GUCY1A2: variants seen among roughly 807,000 people sequenced by gnomAD.
The protein encoded by GUCY1A2 is guanylate cyclase 1 soluble subunit alpha 2.
Under a neutral mutation model 63.5 loss-of-function variants are expected in GUCY1A2, and 27 were observed. The observed-to-expected ratio is 0.43, with a 90% CI of 0.31 to 0.59. The LOEUF (loss-of-function observed/expected upper bound fraction) is 0.59. Among genes scored for constraint, GUCY1A2 ranks in the 20% least tolerant of loss-of-function variants. The pLI is 0.11. For missense variants in GUCY1A2, 768 were observed against 913.3 expected (o/e 0.84, Z 2.05); for synonymous variants, 364 against 343.5 (o/e 1.06, Z -0.66).
chr11:106,846,260 A>T (rs1388989821), intron 4 of GUCY1A2, among the ~76,000 whole-genome samples: 1 of 151,612 alleles, frequency 6.6e-6, no homozygotes, highest in African/African-American at 2.4e-5. Context: ...GGGTACTGTG[A>T]CTATGTAGAT....
intron 5 of GUCY1A2, among the ~76,000 whole-genome samples, chr11:106,779,077 G>C (rs1864413154): frequency 6.6e-6 from 1 of 152,106 alleles, no homozygotes; most frequent in Non-Finnish European, 1.5e-5. Context: ...GGAATATTAT[G>C]AGAACACTTA....
chr11:106,872,512 AACAG>A (rs1859693622), intron 4 of GUCY1A2, among the ~76,000 whole-genome samples: 1 of 152,194 alleles, frequency 6.6e-6, no homozygotes, highest in Non-Finnish European at 1.5e-5. Context: ...GAAGATAAGG[AACAG>A]ACACTTTTAA....
chr11:106,841,272 T>C (rs1859193492), intron 4 of GUCY1A2, among the ~76,000 whole-genome samples: 1 of 151,928 alleles, frequency 6.6e-6, no homozygotes, highest in East Asian at 1.9e-4. Flanking sequence ...ACTTCTTAAA[T>C]GCTTCGAGGA....
At chr11:106,999,473 C>T (rs1245898164) in intron 1 of GUCY1A2, among the ~76,000 whole-genome samples, 1 of 152,078 alleles carries the variant, frequency 6.6e-6, no homozygotes, top group Non-Finnish European at 1.5e-5. Flanking sequence ...AAGATGTTTT[C>T]TTGATGTTAT....
chr11:106,746,604 T>C lies in GUCY1A2; in HGVS notation c.1836+29835A>G, dbSNP rs796568899. ...TGATGCTGATCTGGAACCAGCTGGA[T>C]GGAAACAGGAAAGGAGAAAAGGAGT... On this transcript the variant is annotated intron_variant, in intron 6 of 7. Coordinates refer to ENST00000526355, the MANE Select transcript of GUCY1A2 (RefSeq NM_000855.3). 4.4e-6 allele frequency: 7 copies of C among 1,596,742 alleles called. No homozygotes were observed. In the African/African-American group the frequency reaches 9.3e-5, roughly 21 times the overall value.
At chr11:106,826,714 C>T in intron 4 of GUCY1A2, 2 of 1,610,432 alleles carry the variant, frequency 1.2e-6, no homozygotes, top group South Asian at 2.2e-5. Context: ...GTCTCCTGAA[C>T]TCGCTGCAGC....
intron 6 of GUCY1A2, among the ~76,000 whole-genome samples, chr11:106,754,525 G>T (rs2135387375): frequency 6.6e-6 from 1 of 152,296 alleles, no homozygotes; most frequent in Admixed American, 6.5e-5. Flanking sequence ...TTTGAGATAT[G>T]TTCCATCGAT....
intron 1 of GUCY1A2, among the ~76,000 whole-genome samples, chr11:107,000,485 G>A (rs74469911): frequency 0.055 from 8,439 of 152,150 alleles, 702 homozygotes; most frequent in African/African-American, 0.19. Context: ...TTTTGTTAAG[G>A]AAGTAAAAGA....
intron 5 of GUCY1A2, among the ~76,000 whole-genome samples, chr11:106,790,017 T>G (rs1864629966): frequency 6.6e-6 from 1 of 152,188 alleles, no homozygotes; most frequent in South Asian, 2.1e-4. Context: ...CTACTGCCTT[T>G]GTTTTCTTAA....
intron 7 of GUCY1A2, among the ~76,000 whole-genome samples, chr11:106,691,766 T>C (rs892024288): frequency 2.0e-5 from 3 of 152,198 alleles, no homozygotes; most frequent in Non-Finnish European, 2.9e-5. Context: ...CCAGTAAACA[T>C]TTTGGTATCC....
chr11:107,007,249 T>C (rs1471646652), intron 1 of GUCY1A2, among the ~76,000 whole-genome samples: 1 of 152,230 alleles, frequency 6.6e-6, no homozygotes, highest in Non-Finnish European at 1.5e-5. Flanking sequence ...AAAGACTAAC[T>C]AGTTACCAGG....
At chr11:106,700,355 A>C (rs1381117917) in intron 7 of GUCY1A2, among the ~76,000 whole-genome samples, 2 of 152,174 alleles carry the variant, frequency 1.3e-5, no homozygotes, top group African/African-American at 2.4e-5. Flanking sequence ...TATTTTTAAA[A>C]AATTGGGAAG....
At chr11:106,723,257 T>G (rs903782079) in intron 6 of GUCY1A2, among the ~76,000 whole-genome samples, 15 of 152,208 alleles carry the variant, frequency 9.9e-5, no homozygotes, top group African/African-American at 3.6e-4. Flanking sequence ...TCTAGCTGGA[T>G]AGTTTCTCAC....
chr11:107,009,238 T>C (rs1182310934), intron 1 of GUCY1A2, among the ~76,000 whole-genome samples: 1 of 152,194 alleles, frequency 6.6e-6, no homozygotes, highest in Admixed American at 6.5e-5. Context: ...CCTATATATC[T>C]GATATCTGAA....
chr11:106,882,413 G>T (rs979373793), intron 4 of GUCY1A2, among the ~76,000 whole-genome samples: 1 of 151,950 alleles, frequency 6.6e-6, no homozygotes, highest in Admixed American at 6.6e-5. Flanking sequence ...AAATGTTCTT[G>T]TAAGAATTTA....
intron 4 of GUCY1A2, among the ~76,000 whole-genome samples, chr11:106,924,815 G>A (rs1860499434): frequency 6.6e-6 from 1 of 152,038 alleles, no homozygotes; most frequent in Non-Finnish European, 1.5e-5. Context: ...GACCAGCCTG[G>A]CCAACATGGT....
chr11:106,738,133 C>G (rs1863623571), intron 6 of GUCY1A2, among the ~76,000 whole-genome samples: 1 of 152,080 alleles, frequency 6.6e-6, no homozygotes, highest in Non-Finnish European at 1.5e-5. Context: ...GATTTGCATT[C>G]CTCCAATGAC....
At chr11:106,897,600 G>GA (rs930648515) in intron 4 of GUCY1A2, among the ~76,000 whole-genome samples, 4 of 150,824 alleles carry the variant, frequency 2.7e-5, no homozygotes, top group African/African-American at 9.7e-5. Flanking sequence ...GCAATGCAAT[G>GA]AAAAAAAGAT....
chr11:106,842,622 C>G (rs1028759573), intron 4 of GUCY1A2, among the ~76,000 whole-genome samples: 6 of 151,978 alleles, frequency 3.9e-5, no homozygotes, highest in African/African-American at 1.4e-4. Context: ...TATGAGTTAA[C>G]TAGTCCAGTA....
Sources: allele counts gnomAD v4.1 joint callset (sites outside exome capture counted in the v4.1 genomes callset), GRCh38; gene constraint gnomAD v4.1.1; transcripts MANE v1.5; gene names NCBI Gene and HGNC (gene_info 2026-07-23, HGNC 2026-07-21).